SLC16A5: variants seen among roughly 807,000 people sequenced by gnomAD.
The protein encoded by SLC16A5 is monocarboxylate transporter 6.
A neutral mutation model predicts 33.2 loss-of-function variants in SLC16A5; 29 were observed. The ratio of observed to expected loss-of-function variants is 0.87; its 90% CI spans 0.65 to 1.19. The LOEUF (loss-of-function observed/expected upper bound fraction) is 1.19. Among genes scored for constraint, SLC16A5 ranks in the 50% most tolerant of loss-of-function variants. SLC16A5 has a pLI of 0.00. For missense variants in SLC16A5, 606 were observed against 678.2 expected (o/e 0.89, Z 1.18); for synonymous variants, 248 against 284.1 (o/e 0.87, Z 1.28).
downstream of SLC16A5, among the ~76,000 whole-genome samples, chr17:75,108,598 C>T (rs932512866): frequency 1.3e-5 from 2 of 152,048 alleles, no homozygotes; most frequent in African/African-American, 4.8e-5. Flanking sequence ...GAGGCTCTCT[C>T]AAAGAAAATG....
Position 75,100,197 on chromosome 17 carries a change from C to G in SLC16A5, c.534C>G (p.Ile178Met). ...GTACCTTCCTTGTCTTCGGCGGGATCTTTCTCCACTGCTGCATCTGCGGGG... is the reference window on the plus strand; with the variant it reads ...GTACCTTCCTTGTCTTCGGCGGGATGTTTCTCCACTGCTGCATCTGCGGGG... ...WRGTFLVFGGIFLHCCICGAI... is the reference protein window; with the variant it reads ...WRGTFLVFGGMFLHCCICGAI... The change falls in exon 5 of 7, where the codon ATC (isoleucine) becomes ATG (methionine). Residue 178 changes from isoleucine (I) to methionine (M), a missense_variant. Transcript: ENST00000329783. The G allele has an allele frequency of 1.2e-6, 2 of 1,614,238 alleles. No individual in the cohort carries two copies. Among genetic ancestry groups the G allele is most frequent in the Non-Finnish European group, 1.7e-6 (2 of 1,180,048 alleles).
intron 2 of SLC16A5, chr17:75,089,992 C>CT (rs58086421): frequency 0.25 from 37,414 of 151,956 alleles, 7,472 homozygotes; most frequent in African/African-American, 0.55. Context: ...TGAATTTTTT[C>CT]TTTTTTTCTT....
At chr17:75,109,855 T>TA (rs1568012438), downstream of SLC16A5, 1 of 196,674 alleles carries the variant, frequency 5.1e-6, no homozygotes, top group African/African-American at 2.4e-5. This position sits in a 1 kb window ranked among gnomAD's most constrained non-coding sequence, Gnocchi z 5.0. Context: ...CAGCACAGGC[T>TA]AAAGAGCTTC....
In SLC16A5 at chr17:75,100,683, G is replaced by T; in HGVS notation, c.1020G>T (p.Val340=). ...TGGGCTACTGCCTGGCGTACAGCGTGTCCATGAGTGGCATCGGCGCCCTCA... is the reference window on the plus strand; with the variant it reads ...TGGGCTACTGCCTGGCGTACAGCGTTTCCATGAGTGGCATCGGCGCCCTCA... ...VLVGYCLAYS[V]SMSGIGALIF... Residue 340 remains valine (V), a synonymous_variant, in exon 5 of 7, where the codon GTG becomes GTT. Transcript: ENST00000329783. The T allele has an allele frequency of 6.2e-7, 1 of 1,614,226 alleles. No homozygotes were observed. Among genetic ancestry groups the T allele is most frequent in the Non-Finnish European group, 8.5e-7 (1 of 1,180,048 alleles).
chr17:75,097,826 T>A (rs534617950), intron 3 of SLC16A5, among the ~76,000 whole-genome samples: 36 of 152,246 alleles, frequency 2.4e-4, no homozygotes, highest in African/African-American at 7.2e-4. Flanking sequence ...GAATCCTCAC[T>A]TTGTAGGGGA....
chr17:75,093,363 G>A, intron 2 of SLC16A5: 1 of 1,526,164 alleles, frequency 6.6e-7, no homozygotes, highest in Non-Finnish European at 8.8e-7. Context: ...TGTCCCTCCT[G>A]TCCTTCCTGC....
chr17:75,105,609 G>T, intron 6 of SLC16A5: 1 of 985,380 alleles, frequency 1.0e-6, no homozygotes, highest in Non-Finnish European at 1.2e-6. Context: ...CCAGGGGCTG[G>T]CTGTCATCAG....
chr17:75,103,364 C>G (rs2073824181), intron 5 of SLC16A5, among the ~76,000 whole-genome samples: 1 of 142,450 alleles, frequency 7.0e-6, no homozygotes, highest in Admixed American at 7.2e-5. Context: ...GAGTCTCACT[C>G]TGTTGCCCAG....
At chr17:75,093,988 G>A (rs868728107) in intron 3 of SLC16A5, among the ~76,000 whole-genome samples, 153 bp downstream of exon 3, 1 of 152,254 alleles carries the variant, frequency 6.6e-6, no homozygotes, top group African/African-American at 2.4e-5. Context: ...AGGGGCCCCT[G>A]GCTGGAATCC....
At chr17:75,095,219 C>G (rs2073701295) in intron 3 of SLC16A5, among the ~76,000 whole-genome samples, 1 of 152,208 alleles carries the variant, frequency 6.6e-6, no homozygotes, top group Admixed American at 6.5e-5. Context: ...CTGAATCTGC[C>G]ACATGGCCTC....
Position 75,100,477 on chromosome 17 carries a change from C to T in SLC16A5, c.814C>T (p.Gln272Ter), listed in dbSNP as rs987426692. The change falls in exon 5 of 7, where the codon CAG (glutamine) becomes TAG (stop). Residue 272 changes from glutamine (Q) to a stop codon, truncating the protein, a stop_gained. Coordinates refer to ENST00000329783, the MANE Select transcript of SLC16A5 (RefSeq NM_004695.4). LOFTEE classifies it high-confidence loss of function. ...CATGTGGCACAGCGTGGACGAGCAGCAGGCAGCCCTCCTCATCTCCATCAT... is the reference window on the plus strand; with the variant it reads ...CATGTGGCACAGCGTGGACGAGCAGTAGGCAGCCCTCCTCATCTCCATCAT... The part of the protein sequence containing the change: ...YAMWHSVDEQ[Q>*]AALLISIIGF... The T allele has an allele frequency of 6.2e-7, 1 of 1,614,228 alleles. No individual in the cohort carries two copies. The highest frequency in any genetic ancestry group is 1.7e-4 in the Middle Eastern group (1 of 6,060).
chr17:75,094,128 G>C (rs2073683779), intron 3 of SLC16A5, among the ~76,000 whole-genome samples: 1 of 152,210 alleles, frequency 6.6e-6, no homozygotes, highest in African/African-American at 2.4e-5. Flanking sequence ...CTCAGTGCCA[G>C]GCTGGGAAGA....
chr17:75,097,181 C>A (rs1326730510), intron 3 of SLC16A5, among the ~76,000 whole-genome samples: 2 of 152,080 alleles, frequency 1.3e-5, no homozygotes, highest in Non-Finnish European at 2.9e-5. Context: ...CCCTCCACCG[C>A]AGACACACAC....
chr17:75,093,388 C>T, intron 2 of SLC16A5: 4 of 1,534,870 alleles, frequency 2.6e-6, no homozygotes, highest in Non-Finnish European at 3.5e-6. Context: ...TCCTGCCAGG[C>T]TGGCTCTGGG....
downstream of SLC16A5, among the ~76,000 whole-genome samples, chr17:75,107,310 A>C (rs890442696): frequency 4.7e-4 from 71 of 152,238 alleles, no homozygotes; most frequent in Admixed American, 3.9e-3. Context: ...TCCCAAAAAA[A>C]AAAAAGGTAT....
chr17:75,095,142 C>T (rs1042906611), intron 3 of SLC16A5, among the ~76,000 whole-genome samples: 1 of 152,254 alleles, frequency 6.6e-6, no homozygotes, highest in African/African-American at 2.4e-5. Flanking sequence ...GCCTATTATT[C>T]CAGGTCCTGC....
In SLC16A5 at chr17:75,093,695, C is replaced by T; in HGVS notation, c.59C>T (p.Thr20Ile). The change falls in exon 3 of 7, where the codon ACC becomes ATC. Residue 20 changes from threonine (T) to isoleucine (I), a missense_variant. Thr to Ile is a moderately conservative substitution (Grantham distance 89). Transcript: ENST00000329783. ...TGGGCCTGGGTGGTGCTGCTGGCCA[C>T]CATGGTGACCCAGGGCCTCACCCTG... The part of the protein sequence containing the change: ...GSWAWVVLLA[T>I]MVTQGLTLGF... 1 of 1,614,092 alleles carries T rather than the reference C, an allele frequency of 6.2e-7. No homozygotes were observed. The highest frequency in any genetic ancestry group is 1.3e-5 in the African/African-American group (1 of 75,044).
downstream of SLC16A5, among the ~76,000 whole-genome samples, chr17:75,107,697 G>A (rs1356645377): frequency 2.6e-5 from 4 of 152,222 alleles, no homozygotes; most frequent in Admixed American, 1.3e-4. Context: ...CCAGCACTTT[G>A]GGAGGCCAAG....
rs140468386 is a variant in SLC16A5, at chr17:75,100,691, G to C, written c.1028G>C (p.Ser343Thr). 162 of 1,614,076 alleles carry C rather than the reference G, an allele frequency of 1.0e-4. No individual in the cohort carries two copies. Among genetic ancestry groups the C allele is most frequent in the Non-Finnish European group, 1.3e-4 (152 of 1,180,046 alleles). The change falls in exon 5 of 7, where the codon AGT (serine) becomes ACT (threonine). Residue 343 changes from serine to threonine, a missense_variant. Physicochemically the swap from Ser to Thr is moderately conservative, Grantham distance 58. Transcript: ENST00000329783. ...TGCCTGGCGTACAGCGTGTCCATGA[G>C]TGGCATCGGCGCCCTCATCTTCCAG... ...GYCLAYSVSMSGIGALIFQVL... is the reference protein window; with the variant it reads ...GYCLAYSVSMTGIGALIFQVL...
Sources: allele counts gnomAD v4.1 joint callset (sites outside exome capture counted in the v4.1 genomes callset), GRCh38; gene constraint gnomAD v4.1.1; non-coding constraint Gnocchi (gnomAD v3.1); transcripts MANE v1.5; gene names NCBI Gene and HGNC (gene_info 2026-07-23, HGNC 2026-07-21).